Variants in GKAP1 observed in about 807,000 individuals in gnomAD.
The protein encoded by GKAP1 is G kinase anchoring protein 1.
Under a neutral mutation model 56.7 loss-of-function variants are expected in GKAP1, and 31 were observed. That is an observed-to-expected ratio of 0.55 (90% confidence interval 0.41 to 0.74). The LOEUF (loss-of-function observed/expected upper bound fraction) is 0.74. Ranked by LOEUF, GKAP1 falls within the 30% of genes least tolerant of loss-of-function variation. The probability of loss-of-function intolerance (pLI) is 0.00; values close to 1 mark genes in which losing one functional copy is unlikely to be tolerated. For synonymous variants in GKAP1, 151 were observed against 138.6 expected (o/e 1.09, Z -0.63); for missense variants, 364 against 402.3 (o/e 0.90, Z 0.82).
chr9:83,772,800 T>C (rs1267306707), intron 7 of GKAP1, among the ~76,000 whole-genome samples: 1 of 152,038 alleles, frequency 6.6e-6, no homozygotes, highest in African/African-American at 2.4e-5. Context: ...CCAGAAGATA[T>C]AAGAATGGCT....
At position 83,739,571 on chromosome 9, in the gene GKAP1, A is replaced by C; in HGVS notation, c.*126T>G. The C allele has an allele frequency of 1.8e-6, 1 of 568,396 alleles. No homozygotes were observed. Among genetic ancestry groups the C allele is most frequent in the Non-Finnish European group, 3.1e-6 (1 of 322,576 alleles). 35.2% of individuals were successfully genotyped at this position (568,396 alleles called of 1,614,324 possible). A position where few individuals can be genotyped will look rare whatever the true frequency, so the allele number is the denominator to read the frequency against. ...GAAATAAAATTATAGACCATTAGGG[A>C]GCTAGTTGCTTTTAGTTCCTTCAAG... On this transcript the variant is annotated 3_prime_UTR_variant, in exon 13 of 13. Transcript: ENST00000376371.
chr9:83,778,876 A>G (rs574239168), intron 7 of GKAP1, among the ~76,000 whole-genome samples: 1 of 99,646 alleles, frequency 1.0e-5, no homozygotes, highest in African/African-American at 3.1e-5. Context: ...GACAGAACAC[A>G]GCTCTAAAAT....
intron 4 of GKAP1, among the ~76,000 whole-genome samples, chr9:83,791,398 G>A (rs1316121391): frequency 1.5e-4 from 17 of 115,272 alleles, no homozygotes; most frequent in South Asian, 5.8e-4. Context: ...GCGAGACTCC[G>A]TCTCAAAAAA....
At chr9:83,764,961 C>T (rs546349417) in intron 8 of GKAP1, among the ~76,000 whole-genome samples, 10 of 152,162 alleles carry the variant, frequency 6.6e-5, no homozygotes, top group Admixed American at 6.5e-4. Flanking sequence ...GTCTACCACA[C>T]AAGTGAGAAG....
chr9:83,772,303 T>C (rs1310203749), intron 7 of GKAP1, among the ~76,000 whole-genome samples: 1 of 152,196 alleles, frequency 6.6e-6, no homozygotes, highest in Admixed American at 6.5e-5. Context: ...TTCATATTTA[T>C]GATCAAATTT....
Position 83,798,498 on chromosome 9 carries a change from G to C in GKAP1, c.360+687C>G, listed in dbSNP as rs1264997773. 2.0e-5 allele frequency among the ~76,000 whole-genome samples: 3 copies of C among 152,046 alleles called. No individual in the cohort carries two copies. The South Asian group carries it at 6.2e-4, about 31-fold the overall frequency. ...GTTTCCCAAAGGATTTCTTTTTTAA[G>C]CAAAACTGTCACTGGGTATTATTTG... On this transcript the variant is annotated intron_variant, in intron 4 of 12. Coordinates refer to ENST00000376371, the MANE Select transcript of GKAP1 (RefSeq NM_025211.4).
intron 6 of GKAP1, among the ~76,000 whole-genome samples, chr9:83,781,743 T>C (rs918570028): frequency 2.0e-5 from 3 of 152,220 alleles, no homozygotes; most frequent in Non-Finnish European, 4.4e-5. Flanking sequence ...CTGATGTTTT[T>C]CTCAAATTTA....
At chr9:83,768,698 T>C in intron 8 of GKAP1, 120 bp downstream of exon 8, 2 of 817,212 alleles carry the variant, frequency 2.4e-6, no homozygotes, top group South Asian at 3.2e-5. Context: ...ATTACTAAGA[T>C]CATATCCTAA....
chr9:83,797,996 T>C (rs1944275189), intron 4 of GKAP1, among the ~76,000 whole-genome samples: 1 of 152,202 alleles, frequency 6.6e-6, no homozygotes, highest in Non-Finnish European at 1.5e-5. Context: ...AGATGATTTA[T>C]CCAGTATACC....
intron 5 of GKAP1, 132 bp from the exon 6 acceptor site, chr9:83,784,970 C>T: frequency 1.7e-6 from 1 of 579,900 alleles, no homozygotes; most frequent in East Asian, 3.2e-5. Flanking sequence ...TTTAGGCTAG[C>T]CAAATTGTAT....
intron 5 of GKAP1, among the ~76,000 whole-genome samples, chr9:83,786,649 T>C (rs1944068959): frequency 6.6e-6 from 1 of 152,226 alleles, no homozygotes; most frequent in Non-Finnish European, 1.5e-5. Context: ...TATTAAAAGT[T>C]GTTTTATTGA....
intron 3 of GKAP1, among the ~76,000 whole-genome samples, chr9:83,804,066 C>T (rs1304344440): frequency 8.6e-5 from 13 of 151,372 alleles, no homozygotes; most frequent in African/African-American, 2.2e-4. Flanking sequence ...GCAGCCACCC[C>T]GTCTGGGAAG....
chr9:83,806,668 A>G (rs1944444295), intron 2 of GKAP1, 108 bp from the exon 3 acceptor site: 1 of 627,268 alleles, frequency 1.6e-6, no homozygotes, highest in Non-Finnish European at 2.7e-6. Flanking sequence ...CTGACACTGG[A>G]TTTAGTAAAT....
At chr9:83,816,146 G>A (rs1252987900) in intron 2 of GKAP1, among the ~76,000 whole-genome samples, 3 of 151,238 alleles carry the variant, frequency 2.0e-5, no homozygotes, top group Admixed American at 6.6e-5. Context: ...CCGAGATCGC[G>A]CCATTACACT....
At chr9:83,752,093 C>T (rs879556181) in intron 9 of GKAP1, among the ~76,000 whole-genome samples, 21 of 152,194 alleles carry the variant, frequency 1.4e-4, no homozygotes, top group Admixed American at 7.2e-4. Flanking sequence ...CATGCTACAA[C>T]GTGGATGAAC....
At chr9:83,789,463 T>A (rs1343700550) in intron 4 of GKAP1, among the ~76,000 whole-genome samples, 2 of 152,182 alleles carry the variant, frequency 1.3e-5, no homozygotes, top group Non-Finnish European at 2.9e-5. Context: ...CAACATGACA[T>A]GGGTAAACAT....
chr9:83,762,122 T>A (rs1040677684), intron 8 of GKAP1, among the ~76,000 whole-genome samples: 5 of 152,154 alleles, frequency 3.3e-5, no homozygotes, highest in African/African-American at 1.2e-4. Context: ...ATTATCCTTG[T>A]CTGCAGATGG....
chr9:83,777,426 G>A (rs1476531926), intron 7 of GKAP1, among the ~76,000 whole-genome samples: 12 of 151,924 alleles, frequency 7.9e-5, no homozygotes, highest in Admixed American at 7.9e-4. Flanking sequence ...AAAAGACTAA[G>A]AATCAAATAA....
intron 8 of GKAP1, among the ~76,000 whole-genome samples, chr9:83,754,744 G>C (rs1410678683): frequency 6.6e-6 from 1 of 152,218 alleles, no homozygotes; most frequent in African/African-American, 2.4e-5. Context: ...AAGGCCATAA[G>C]AACAGTCTGC....
Sources: gnomAD v4.1 joint callset for allele counts (sites outside exome capture counted in the v4.1 genomes callset) on GRCh38, gnomAD v4.1.1 for gene constraint, MANE v1.5 for transcripts, NCBI Gene and HGNC (gene_info 2026-07-23, HGNC 2026-07-21) for gene names.